The following CSPP1 variants were observed in gnomAD, a reference collection of about 807,000 sequenced individuals.
The protein encoded by CSPP1 is centrosome and spindle pole associated protein 1.
Under a neutral mutation model 164.4 loss-of-function variants are expected in CSPP1, and 126 were observed. The ratio of observed to expected loss-of-function variants is 0.77; its 90% CI spans 0.66 to 0.89. The LOEUF is 0.89. Ranked by LOEUF, CSPP1 falls within the 40% of genes least tolerant of loss-of-function variation. The pLI, the probability that CSPP1 is intolerant of heterozygous loss-of-function variation, is 0.00. For synonymous variants in CSPP1, 472 were observed against 476.7 expected, an observed-to-expected ratio of 0.99 and a Z score of 0.13; for missense variants, 1,395 against 1,449.8, an observed-to-expected ratio of 0.96 and a Z score of 0.61.
intron 16 of CSPP1, chr8:67,135,993 G>A (rs926379984): frequency 8.5e-5 from 13 of 152,078 alleles, no homozygotes; most frequent in African/African-American, 2.7e-4. Flanking sequence ...ACAGGGGAAC[G>A]GCTGATTGGT....
In CSPP1 at chr8:67,070,870, C is replaced by G. The variant is rs571900889; in HGVS notation, c.-10-3373C>G. On this transcript the variant is annotated intron_variant, in intron 1 of 30. Coordinates refer to ENST00000678616, the MANE Select transcript of CSPP1 (RefSeq NM_001382391.1). ...CTCAAGTGATCCAATCCTCCTGCCTCAGCTTCCCCAATAGCTGGGACTACA... is the reference window on the plus strand; with the variant it reads ...CTCAAGTGATCCAATCCTCCTGCCTGAGCTTCCCCAATAGCTGGGACTACA... 2.7e-4 allele frequency among the ~76,000 whole-genome samples: 41 copies of G among 151,838 alleles called. No individual in the cohort carries two copies. In the East Asian group the frequency reaches 7.8e-3, roughly 29 times the overall value.
intron 25 of CSPP1, 68 bp from the exon 26 acceptor site, chr8:67,175,228 T>C: frequency 1.7e-6 from 2 of 1,174,818 alleles, no homozygotes; most frequent in Admixed American, 4.2e-5. Context: ...TTACTTACAG[T>C]GAAGTTTTAC....
rs372301112 is a variant in CSPP1 at position 67,172,524 on chromosome 8, T to A, written c.2937T>A (p.Asn979Lys). The change falls in exon 25 of 31, where the codon AAT (asparagine) becomes AAA (lysine). Residue 979 changes from asparagine (N) to lysine (K), a missense_variant. Asn to Lys is a moderately conservative substitution (Grantham distance 94). Transcript: ENST00000678616. The part of the protein sequence containing the change: ...PKGLDAATFQ[N>K]VHDFNELKDR... ...GCTTAGACGCTGCCACTTTTCAGAA[T>A]GTTCATGATTTTAATGAGCTGAAAG... The A allele has an allele frequency of 1.2e-6, 2 of 1,613,542 alleles. No individual in the cohort carries two copies. Among genetic ancestry groups the A allele is most frequent in the Non-Finnish European group, 1.7e-6 (2 of 1,179,746 alleles).
chr8:67,159,078 T>C lies in CSPP1; in HGVS notation c.2479T>C (p.Tyr827His). The change falls in exon 21 of 31, where the codon TAT becomes CAT. Residue 827 changes from tyrosine to histidine, a missense_variant. Physicochemically the swap from Tyr to His is moderately conservative, Grantham distance 83. Transcript: ENST00000678616. ...ERKKKEEEEK[Y>H]NLQLQHYCER... ...AAAGAAGAAAGAAGAAGAAGAAAAA[T>C]ATAACCTGCAACTTCAGCACTACTG... is the stretch of plus-strand genomic sequence containing the variant. 6.2e-7 allele frequency: 1 copy of C among 1,612,710 alleles called. No homozygotes were observed. The highest frequency in any genetic ancestry group is 8.5e-7 in the Non-Finnish European group (1 of 1,179,526).
intron 14 of CSPP1, 121 bp downstream of exon 14, chr8:67,118,490 T>C (rs1213573216): frequency 1.5e-5 from 15 of 987,476 alleles, no homozygotes; most frequent in Non-Finnish European, 2.3e-5. Context: ...TCAGATGTTA[T>C]ATATTGATTT....
rs1828946939 is a variant in CSPP1, at chr8:67,164,510, C to T, written c.2828+2C>T. ...CAGTGATGATGAAATTCCTATCAGG[C>T]AAGTTTAGAATTGCAGTTTTTGTGT... is the stretch of plus-strand genomic sequence containing the variant. On this transcript the variant is annotated splice_donor_variant, in intron 24 of 30. Coordinates refer to ENST00000678616, the MANE Select transcript of CSPP1 (RefSeq NM_001382391.1). LOFTEE classifies it low-confidence loss of function (GC_TO_GT_DONOR). 7 of 1,443,190 alleles carry T rather than the reference C, an allele frequency of 4.9e-6. No homozygotes were observed. The highest frequency in any genetic ancestry group is 6.8e-6 in the Non-Finnish European group (7 of 1,028,314). The allele number at this position is 1,443,190 out of a possible 1,614,324, so 89.4% of individuals were successfully genotyped here.
In CSPP1 at chr8:67,163,688, A is replaced by G. The variant is rs371685799; in HGVS notation, c.2644-44A>G. 7.0e-6 allele frequency: 10 copies of G among 1,428,272 alleles called. No individual in the cohort carries two copies. The African/African-American group carries it at 1.1e-4, about 16-fold the overall frequency. The allele number at this position is 1,428,272 out of a possible 1,614,324, so 88.5% of individuals were successfully genotyped here. ...AATTACTCCCTTCAAGCTTCTGTGT[A>G]GGGAAGACATACTGAACATGTCTTT... On this transcript the variant is annotated intron_variant, in intron 22 of 30. Transcript: ENST00000678616.
In CSPP1 at chr8:67,091,889, T is replaced by C. The variant is rs1374655641; in HGVS notation, c.384+6T>C. ...GTGAGAGGTTATCTGCTAAGGTAGG[T>C]GGATAGGAGTAGTTATTGTGGGTAC... is the stretch of plus-strand genomic sequence containing the variant. On this transcript the variant is annotated splice_donor_region_variant and intron_variant, in intron 5 of 30. Coordinates refer to ENST00000678616, the MANE Select transcript of CSPP1 (RefSeq NM_001382391.1). 11 of 1,266,800 alleles carry C rather than the reference T, an allele frequency of 8.7e-6. No individual in the cohort carries two copies. Among genetic ancestry groups the C allele is most frequent in the Non-Finnish European group, 1.2e-5 (11 of 948,882 alleles). 78.5% of individuals were successfully genotyped at this position (1,266,800 alleles called of 1,614,324 possible). A position where few individuals can be genotyped will look rare whatever the true frequency, so the allele number is the denominator to read the frequency against.
At chr8:67,082,496 A>G (rs1437067788) in intron 3 of CSPP1, among the ~76,000 whole-genome samples, 1 of 152,176 alleles carries the variant, frequency 6.6e-6, no homozygotes, top group African/African-American at 2.4e-5. Context: ...TTAAGAGTAC[A>G]GTGTCTCCTC....
chr8:67,121,046 G>A (rs891226687), intron 15 of CSPP1, among the ~76,000 whole-genome samples: 1 of 151,846 alleles, frequency 6.6e-6, no homozygotes, highest in Middle Eastern at 3.2e-3. Context: ...GTAGAGACAG[G>A]GTTTCACCAT....
chr8:67,077,469 G>T (rs1386657466), intron 3 of CSPP1, among the ~76,000 whole-genome samples: 1 of 152,060 alleles, frequency 6.6e-6, no homozygotes, highest in Non-Finnish European at 1.5e-5. Flanking sequence ...TCAAGTAGCT[G>T]GGATTACAGG....
intron 9 of CSPP1, 140 bp downstream of exon 9, chr8:67,106,115 C>G (rs1051515772): frequency 3.5e-6 from 2 of 564,144 alleles, no homozygotes; most frequent in Admixed American, 6.5e-5. Flanking sequence ...ACACTAGGTA[C>G]TATTCTAATC....
At chr8:67,192,456 ATG>A (rs1246490021) in intron 29 of CSPP1, among the ~76,000 whole-genome samples, 1 of 152,128 alleles carries the variant, frequency 6.6e-6, no homozygotes, top group African/African-American at 2.4e-5. Context: ...CTAGTTATCA[ATG>A]TGTGATTTTC....
At chr8:67,193,954 A>C (rs1217829783) in intron 30 of CSPP1, among the ~76,000 whole-genome samples, 1 of 152,246 alleles carries the variant, frequency 6.6e-6, no homozygotes, top group African/African-American at 2.4e-5. Flanking sequence ...AAAGACTTTG[A>C]GTTCTTTAAC....
intron 9 of CSPP1, among the ~76,000 whole-genome samples, chr8:67,110,170 T>G (rs534480789): frequency 2.4e-5 from 3 of 125,992 alleles, no homozygotes; most frequent in African/African-American, 1.3e-4. Flanking sequence ...AGTCTGAGGT[T>G]TTTTTTTTTT....
intron 7 of CSPP1, among the ~76,000 whole-genome samples, chr8:67,098,110 G>T (rs1219400330): frequency 1.3e-5 from 2 of 150,122 alleles, no homozygotes; most frequent in Non-Finnish European, 3.0e-5. Context: ...TAGGAGAAAT[G>T]ACTGTATTTG....
intron 16 of CSPP1, among the ~76,000 whole-genome samples, chr8:67,136,309 C>A (rs1205027694): frequency 6.6e-6 from 1 of 152,002 alleles, no homozygotes; most frequent in African/African-American, 2.4e-5. Flanking sequence ...TGGTGGCTCA[C>A]GCCTGTAATC....
chr8:67,191,936 T>C (rs1339543211), intron 29 of CSPP1, among the ~76,000 whole-genome samples: 1 of 152,200 alleles, frequency 6.6e-6, no homozygotes, highest in Admixed American at 6.5e-5. Context: ...TAGCCATCTA[T>C]TGAGTGTAAA....
intron 4 of CSPP1, among the ~76,000 whole-genome samples, chr8:67,089,581 C>G (rs1220516095): frequency 5.3e-5 from 8 of 152,144 alleles, no homozygotes; most frequent in Non-Finnish European, 8.8e-5. Context: ...TGTATAATTA[C>G]TCCTCATTAT....
Sources: gnomAD v4.1 joint callset for allele counts (sites outside exome capture counted in the v4.1 genomes callset) on GRCh38, gnomAD v4.1.1 for gene constraint, MANE v1.5 for transcripts, NCBI Gene and HGNC (gene_info 2026-07-23, HGNC 2026-07-21) for gene names.